SYT17: variants seen among roughly 807,000 people sequenced by gnomAD.
SYT17 encodes synaptotagmin 17.
A neutral mutation model predicts 46.7 loss-of-function variants in SYT17; 22 were observed. The ratio of observed to expected loss-of-function variants is 0.47; its 90% CI spans 0.34 to 0.67. SYT17 has a LOEUF of 0.67. Ranked by LOEUF, SYT17 falls within the 30% of genes least tolerant of loss-of-function variation. SYT17 has a pLI of 0.01. For missense variants in SYT17, 519 were observed against 612.8 expected (o/e 0.85, Z 1.62); for synonymous variants, 251 against 248.4 (o/e 1.01, Z -0.10).
intron 5 of SYT17, among the ~76,000 whole-genome samples, chr16:19,197,046 T>C (rs1965274725): frequency 6.6e-6 from 1 of 152,216 alleles, no homozygotes; most frequent in Admixed American, 6.5e-5. Context: ...CCTGGCACCT[T>C]ACCAGACGAG....
chr16:19,203,740 T>G (rs1965557411), intron 5 of SYT17, among the ~76,000 whole-genome samples: 1 of 152,222 alleles, frequency 6.6e-6, no homozygotes, highest in African/African-American at 2.4e-5. Context: ...AGGGTGGAGT[T>G]TCTGCTGGTA....
rs142931001 is a variant in SYT17, at chr16:19,259,165, T to G, written c.1229-7715T>G. Among the ~76,000 whole-genome samples the G allele has an allele frequency of 1.5e-3, 234 of 152,210 alleles. 1 individual carries two copies. Among genetic ancestry groups the G allele is most frequent in the Non-Finnish European group, 2.6e-3 (174 of 67,998 alleles). ...GAGGGTAGCCTTAGGGTGCTGGAGA[T>G]TAAGCGAAATCAGAAGAGAAAACAT... On this transcript the variant is annotated intron_variant, in intron 7 of 7. Transcript: ENST00000355377.
chr16:19,238,856 G>A (rs1966891068), intron 7 of SYT17, among the ~76,000 whole-genome samples: 1 of 152,200 alleles, frequency 6.6e-6, no homozygotes, highest in Admixed American at 6.5e-5. Context: ...GTAGGTTCGA[G>A]ATGAAGGCTT....
At chr16:19,220,303 C>CTTTCTTTCTTTTTTTTT (rs776097400) in intron 5 of SYT17, among the ~76,000 whole-genome samples, 1 of 80,498 alleles carries the variant, frequency 1.2e-5, no homozygotes, top group Admixed American at 1.7e-4. Flanking sequence ...TTCTTTCTTT[C>CTTTCTTTCTTTTTTTTT]TTTTTTTTTT....
chr16:19,237,533 C>G (rs1966865304), intron 7 of SYT17, among the ~76,000 whole-genome samples: 1 of 152,184 alleles, frequency 6.6e-6, no homozygotes, highest in Admixed American at 6.5e-5. Context: ...CCCGACAACC[C>G]AAAAGTTACC....
Position 19,180,438 on chromosome 16 carries a change from C to T in SYT17, c.230C>T (p.Ala77Val). Reference sequence around the variant, plus strand: ...AAGGATGGTGACTCTGTCCACACGGCCAGCGAAGTCCCGCTGACCCCACGG... The same window carrying T: ...AAGGATGGTGACTCTGTCCACACGGTCAGCGAAGTCCCGCTGACCCCACGG... ...SDKDGDSVHTASEVPLTPRTN... is the reference protein window; with the variant it reads ...SDKDGDSVHTVSEVPLTPRTN... The change falls in exon 4 of 8, where the codon GCC (alanine) becomes GTC (valine). Residue 77 changes from alanine to valine, a missense_variant. Transcript: ENST00000355377. 1 of 1,614,212 alleles carries T rather than the reference C, an allele frequency of 6.2e-7. No homozygotes were observed. Among genetic ancestry groups the T allele is most frequent in the Non-Finnish European group, 8.5e-7 (1 of 1,180,024 alleles).
intron 5 of SYT17, among the ~76,000 whole-genome samples, chr16:19,199,665 G>A (rs1010108924): frequency 1.3e-5 from 2 of 152,160 alleles, no homozygotes; most frequent in Admixed American, 1.3e-4. Flanking sequence ...GAGCCCAGGA[G>A]TTCAAGGCTG....
chr16:19,214,885 G>T (rs1966034952), intron 5 of SYT17, among the ~76,000 whole-genome samples: 4 of 151,988 alleles, frequency 2.6e-5, no homozygotes, highest in African/African-American at 7.3e-5. Flanking sequence ...CGCCTTCTGG[G>T]TCAAGGGAGT....
chr16:19,234,413 G>C (rs1452008369), intron 7 of SYT17, among the ~76,000 whole-genome samples: 1 of 151,706 alleles, frequency 6.6e-6, no homozygotes, highest in Non-Finnish European at 1.5e-5. Context: ...TGGATCTCAG[G>C]TTTCTTCTCT....
intron 5 of SYT17, among the ~76,000 whole-genome samples, chr16:19,202,503 T>C (rs1965505690): frequency 6.6e-6 from 1 of 152,192 alleles, no homozygotes; most frequent in Non-Finnish European, 1.5e-5. Flanking sequence ...ATCCCTTCAT[T>C]TAGGGTTTAT....
rs1963964330 is a variant in SYT17, at chr16:19,168,743, G to A, written c.15+82G>A. The A allele has an allele frequency of 1.4e-6, 2 of 1,404,928 alleles. No individual in the cohort carries two copies. Among genetic ancestry groups the A allele is most frequent in the East Asian group, 3.0e-5 (1 of 33,876 alleles). 87.0% of individuals were successfully genotyped at this position (1,404,928 alleles called of 1,614,324 possible). On this transcript the variant is annotated intron_variant, in intron 1 of 7. Coordinates refer to ENST00000355377, the MANE Select transcript of SYT17 (RefSeq NM_016524.4). The surrounding 1 kb of genome is among the most constrained non-coding windows in gnomAD (Gnocchi z 6.9). Reference sequence around the variant, plus strand: ...TCCGGCTGGGAGCGCGCGGAAGGGAGGGCCCACGGCTAGGCTCCCACAAAC... The same window carrying A: ...TCCGGCTGGGAGCGCGCGGAAGGGAAGGCCCACGGCTAGGCTCCCACAAAC...
chr16:19,249,495 A>G (rs997219349), intron 7 of SYT17, among the ~76,000 whole-genome samples: 1 of 152,118 alleles, frequency 6.6e-6, no homozygotes, highest in South Asian at 2.1e-4. Flanking sequence ...AAATTCATCA[A>G]ATTAGATACT....
intron 7 of SYT17, among the ~76,000 whole-genome samples, chr16:19,261,219 C>T (rs552573715): frequency 1.3e-3 from 205 of 152,304 alleles, no homozygotes; most frequent in African/African-American, 4.7e-3. Flanking sequence ...GATATTCTCC[C>T]AGGCAACTTT....
intron 7 of SYT17, among the ~76,000 whole-genome samples, chr16:19,227,791 A>G (rs1966548645): frequency 6.6e-6 from 1 of 152,184 alleles, no homozygotes; most frequent in Admixed American, 6.5e-5. Flanking sequence ...GTGTGTATTA[A>G]ACACCTTCTG....
rs533402313 is a variant in SYT17, at chr16:19,218,099, C to G, written c.952-4946C>G. ...AATTCTTTCATCTGCAAGATGGAAG[C>G]CTCTGGAGTTGTTAAGGAAAAGAAA... On this transcript the variant is annotated intron_variant, in intron 5 of 7. Transcript: ENST00000355377. Among the ~76,000 whole-genome samples the G allele has an allele frequency of 3.9e-5, 6 of 152,276 alleles. No individual in the cohort carries two copies. The East Asian group carries it at 9.6e-4, about 24-fold the overall frequency.
At chr16:19,236,391 A>G (rs1008321476) in intron 7 of SYT17, among the ~76,000 whole-genome samples, 1 of 152,198 alleles carries the variant, frequency 6.6e-6, no homozygotes, top group Admixed American at 6.5e-5. Context: ...CTCGAAGCTT[A>G]GGGACGGGAA....
At chr16:19,253,695 C>A (rs1274904900) in intron 7 of SYT17, among the ~76,000 whole-genome samples, 3 of 152,088 alleles carry the variant, frequency 2.0e-5, no homozygotes, top group Non-Finnish European at 4.4e-5. Context: ...TACCCTGGCC[C>A]TAGAGTAACA....
At chr16:19,211,848 G>A (rs932052106) in intron 5 of SYT17, among the ~76,000 whole-genome samples, 7 of 151,894 alleles carry the variant, frequency 4.6e-5, no homozygotes, top group Non-Finnish European at 7.4e-5. Flanking sequence ...GGATGGTCTC[G>A]ATCTCCTGAC....
At chr16:19,254,936 C>G (rs2142998737) in intron 7 of SYT17, among the ~76,000 whole-genome samples, 1 of 152,318 alleles carries the variant, frequency 6.6e-6, no homozygotes, top group East Asian at 1.9e-4. Flanking sequence ...AGGGGTCCCA[C>G]AGCCCCAAAG....
Sources: allele counts gnomAD v4.1 joint callset (sites outside exome capture counted in the v4.1 genomes callset), GRCh38; gene constraint gnomAD v4.1.1; non-coding constraint Gnocchi (gnomAD v3.1); transcripts MANE v1.5; gene names NCBI Gene and HGNC (gene_info 2026-07-23, HGNC 2026-07-21).